Variants in TBC1D23 observed in about 807,000 individuals in gnomAD.
TBC1D23 encodes the protein HCV non-structural protein 4A-transactivated protein 1.
A neutral mutation model predicts 91.4 loss-of-function variants in TBC1D23; 55 were observed. That is an observed-to-expected ratio of 0.60 (90% CI 0.48 to 0.75). TBC1D23 has a LOEUF of 0.75. Among genes scored for constraint, TBC1D23 ranks in the 30% least tolerant of loss-of-function variants. TBC1D23 has a pLI of 0.00. For synonymous variants in TBC1D23, 289 were observed against 281.0 expected, an observed-to-expected ratio of 1.03 and a Z score of -0.28; for missense variants, 725 against 836.1, an observed-to-expected ratio of 0.87 and a Z score of 1.64.
chr3:100,299,173 A>G, intron 9 of TBC1D23, 66 bp from the exon 10 acceptor site: 1 of 1,037,176 alleles, frequency 9.6e-7, no homozygotes, highest in East Asian at 2.4e-5. Context: ...TTAACTGTGA[A>G]TATTATGTTG....
chr3:100,276,817 TCA>T lies in TBC1D23; in HGVS notation c.54-2829_54-2828del, dbSNP rs796840649. ...CCAACATACGTTAATAGTTTCAAAG[TCA>T]CAGAGTCAGGAGGAGGTGAGTTTCT... On this transcript the variant is annotated intron_variant, in intron 1 of 18. Transcript: ENST00000394144. Among the ~76,000 whole-genome samples, 11 of 152,330 alleles carry T rather than the reference TCA, an allele frequency of 7.2e-5. No homozygotes were observed. The South Asian group carries it at 2.3e-3, about 32-fold the overall frequency.
rs765080434 is a variant in TBC1D23 at position 100,302,237 on chromosome 3, G to C, written c.1263G>C (p.Gln421His). 2 of 1,599,104 alleles carry C rather than the reference G, an allele frequency of 1.3e-6. No individual in the cohort carries two copies. Among genetic ancestry groups the C allele is most frequent in the Admixed American group, 3.5e-5 (2 of 56,766 alleles). ...ACATGGTCCTGGCACACTTTTTACA[G>C]GTATGCTGACATAAATTATTTCAGT... ...YMNMVLAHFL[Q>H]KNKEYVSIAS... Residue 421 changes from glutamine to histidine, a missense_variant and splice_region_variant, in exon 11 of 19, where the codon CAG (glutamine) becomes CAC (histidine). Coordinates refer to ENST00000394144, the MANE Select transcript of TBC1D23 (RefSeq NM_001199198.3).
intron 1 of TBC1D23, among the ~76,000 whole-genome samples, chr3:100,262,723 CAAAAAA>C (rs1174689237): frequency 3.9e-5 from 2 of 51,422 alleles, no homozygotes; most frequent in Non-Finnish European, 6.9e-5. Flanking sequence ...GGCTCGGTCT[CAAAAAA>C]AAAAAAAAAA....
intron 15 of TBC1D23, 200 bp from the exon 16 acceptor site, chr3:100,315,899 C>G (rs1460633460): frequency 3.5e-6 from 2 of 563,910 alleles, no homozygotes; most frequent in Non-Finnish European, 6.3e-6. Context: ...AGGCCTTATG[C>G]CACTTTTGCT....
intron 15 of TBC1D23, among the ~76,000 whole-genome samples, chr3:100,314,160 G>T (rs1230738634): frequency 1.4e-5 from 2 of 142,744 alleles, no homozygotes; most frequent in East Asian, 2.1e-4. Context: ...GTGCAGTGGC[G>T]CAATCTCGGC....
Position 100,309,610 on chromosome 3 carries a change from C to CTTTTTTTTTTTTTTTT in TBC1D23, c.1414-789_1414-774dup, listed in dbSNP as rs71132518. 3.7e-4 allele frequency among the ~76,000 whole-genome samples: 43 copies of CTTTTTTTTTTTTTTTT among 116,124 alleles called. 2 individuals carry two copies. Among genetic ancestry groups the CTTTTTTTTTTTTTTTT allele is most frequent in the African/African-American group, 1.2e-3 (38 of 31,422 alleles). The allele number at this position is 116,124 out of a possible 152,430, so 76.2% of individuals were successfully genotyped here. On this transcript the variant is annotated intron_variant, in intron 13 of 18. Coordinates refer to ENST00000394144, the MANE Select transcript of TBC1D23 (RefSeq NM_001199198.3). ...TATCCTAAATTTTTTATTCTACCTT[C>CTTTTTTTTTTTTTTTT]TTTTTTTTTTTTTTTTTTTGAGACA...
intron 1 of TBC1D23, among the ~76,000 whole-genome samples, chr3:100,270,037 A>T (rs1384442746): frequency 6.6e-6 from 1 of 152,236 alleles, no homozygotes; most frequent in African/African-American, 2.4e-5. Context: ...ATTCTAAACA[A>T]ATATGAATAA....
At chr3:100,315,014 G>A (rs2148871205) in intron 15 of TBC1D23, among the ~76,000 whole-genome samples, 1 of 152,022 alleles carries the variant, frequency 6.6e-6, no homozygotes, top group East Asian at 1.9e-4. Context: ...AATTTTACCT[G>A]TTAGTTTATT....
intron 15 of TBC1D23, among the ~76,000 whole-genome samples, chr3:100,312,633 A>C (rs1705644951): frequency 6.6e-6 from 1 of 152,186 alleles, no homozygotes; most frequent in Non-Finnish European, 1.5e-5. Context: ...TCTTATACTC[A>C]CAGAATTTTT....
intron 4 of TBC1D23, 56 bp from the exon 5 acceptor site, chr3:100,290,522 A>C: frequency 6.5e-7 from 1 of 1,540,618 alleles, no homozygotes. Flanking sequence ...TTGGTTACTG[A>C]TGTGATTATT....
chr3:100,316,351 T>C (rs1705744730), intron 16 of TBC1D23, among the ~76,000 whole-genome samples, 164 bp downstream of exon 16: 1 of 152,112 alleles, frequency 6.6e-6, no homozygotes, highest in Non-Finnish European at 1.5e-5. Flanking sequence ...TTAGACACCT[T>C]GAATTGTTGT....
At chr3:100,279,891 C>G in intron 2 of TBC1D23, 131 bp downstream of exon 2, 1 of 563,526 alleles carries the variant, frequency 1.8e-6, no homozygotes, top group Non-Finnish European at 3.2e-6. Context: ...ATTTATCAAA[C>G]AGCAGCTTAT....
chr3:100,276,947 A>G (rs549199399), intron 1 of TBC1D23, among the ~76,000 whole-genome samples: 35 of 152,346 alleles, frequency 2.3e-4, no homozygotes, highest in African/African-American at 8.4e-4. Context: ...ATAAATGGAC[A>G]AAGCCTGTAC....
intron 10 of TBC1D23, 49 bp from the exon 11 acceptor site, chr3:100,302,018 A>T (rs765667899): frequency 4.8e-6 from 7 of 1,462,312 alleles, no homozygotes; most frequent in Admixed American, 2.3e-5. Flanking sequence ...TTACAAATAT[A>T]TGTGAAACAC....
At chr3:100,296,084 A>G (rs1177623366) in intron 7 of TBC1D23, 88 bp from the exon 8 acceptor site, 13 of 692,796 alleles carry the variant, frequency 1.9e-5, no homozygotes, top group African/African-American at 1.6e-4. Flanking sequence ...TTTGCATAGT[A>G]TTTATGATGA....
intron 18 of TBC1D23, 46 bp downstream of exon 18, chr3:100,321,017 T>G (rs1705848667): frequency 7.3e-7 from 1 of 1,376,346 alleles, no homozygotes; most frequent in African/African-American, 1.5e-5. Context: ...AGATATTATC[T>G]GAATTACTGT....
intron 7 of TBC1D23, 130 bp from the exon 8 acceptor site, chr3:100,296,042 G>C (rs1486267455): frequency 2.1e-6 from 1 of 475,636 alleles, no homozygotes; most frequent in Non-Finnish European, 3.7e-6. Context: ...TTTTCCACAA[G>C]TCATTGTAAA....
Position 100,283,727 on chromosome 3 carries a change from T to G in TBC1D23, c.392T>G (p.Leu131Arg). The change falls in exon 4 of 19, where the codon CTA becomes CGA. Residue 131 changes from leucine (L) to arginine (R), a missense_variant. By Grantham distance (102) the Leu-to-Arg change is moderately radical. Transcript: ENST00000394144. ...AGCACATCCCTTAGCTGGATACATC[T>G]ACTGAAACCATTGGTGCATCTTCAA... ...KYSTSLSWIH[L>R]LKPLVHLQLP... is the part of the protein sequence containing the mutation. 1 of 1,613,010 alleles carries G rather than the reference T, an allele frequency of 6.2e-7. No individual in the cohort carries two copies. The highest frequency in any genetic ancestry group is 8.5e-7 in the Non-Finnish European group (1 of 1,178,956).
intron 11 of TBC1D23, among the ~76,000 whole-genome samples, chr3:100,302,566 T>C (rs965258982): frequency 2.0e-5 from 3 of 152,178 alleles, no homozygotes; most frequent in African/African-American, 7.2e-5. Flanking sequence ...ATTATGTTAT[T>C]TGATCTTTTA....
Sources: allele counts gnomAD v4.1 joint callset (sites outside exome capture counted in the v4.1 genomes callset), GRCh38; gene constraint gnomAD v4.1.1; transcripts MANE v1.5; gene names NCBI Gene and HGNC (gene_info 2026-07-23, HGNC 2026-07-21).